The following TLL1 variants were observed in gnomAD, a reference collection of about 807,000 sequenced individuals.
The protein encoded by TLL1 is tolloid-like protein 1.
A neutral mutation model predicts 128.2 loss-of-function variants in TLL1; 49 were observed. The observed-to-expected ratio is 0.38, with a 90% CI of 0.30 to 0.48. The LOEUF (loss-of-function observed/expected upper bound fraction) is 0.48. Ranked by LOEUF, TLL1 falls within the 20% of genes least tolerant of loss-of-function variation. The pLI is 0.96. For missense variants in TLL1, 1,123 were observed against 1,242.0 expected, an observed-to-expected ratio of 0.90 and a Z score of 1.44; for synonymous variants, 454 against 418.8, an observed-to-expected ratio of 1.08 and a Z score of -1.03.
At chr4:166,054,930 C>A in intron 12 of TLL1, 146 bp from the exon 13 acceptor site, 2 of 639,120 alleles carry the variant, frequency 3.1e-6, no homozygotes, top group South Asian at 2.1e-5. Flanking sequence ...AGTGTACGTT[C>A]ATGAGAAACA....
rs925694705 is a variant in TLL1, at chr4:166,103,444, T to G, written c.*2568T>G. The G allele has an allele frequency of 6.6e-6, 1 of 151,846 alleles. No individual in the cohort carries two copies. Among genetic ancestry groups the G allele is most frequent in the African/African-American group, 2.4e-5 (1 of 41,420 alleles). The allele number at this position is 151,846 out of a possible 1,614,324, so 9.4% of individuals were successfully genotyped here. A position where few individuals can be genotyped will look rare whatever the true frequency, so the allele number is the denominator to read the frequency against. Reference sequence around the variant, plus strand: ...ATATATTAAATTATTTTGCCTGATGTGGTAGGGGAAATGTATTGCTCTATA... The same window carrying G: ...ATATATTAAATTATTTTGCCTGATGGGGTAGGGGAAATGTATTGCTCTATA... On this transcript the variant is annotated 3_prime_UTR_variant, in exon 21 of 21. Transcript: ENST00000061240.
intron 1 of TLL1, among the ~76,000 whole-genome samples, chr4:165,895,212 A>G (rs1304678407): frequency 1.3e-5 from 2 of 151,976 alleles, no homozygotes; most frequent in African/African-American, 4.8e-5. Flanking sequence ...ATAGAGCAAA[A>G]CTCTGTTTGC....
intron 1 of TLL1, among the ~76,000 whole-genome samples, chr4:165,982,195 G>A (rs1042591457): frequency 2.6e-5 from 4 of 151,888 alleles, no homozygotes; most frequent in Non-Finnish European, 4.4e-5. Flanking sequence ...GGCTCAAATA[G>A]AATAATGTCA....
At position 165,917,897 on chromosome 4, in the gene TLL1, C is replaced by T. The variant is rs531742859; in HGVS notation, c.169+43824C>T. On this transcript the variant is annotated intron_variant, in intron 1 of 20. Transcript: ENST00000061240. Reference sequence around the variant, plus strand: ...TCAAAATGTGAGAAATGTATAAGGCCGAATTAGTAACTAATTAAATTTTTT... The same window carrying T: ...TCAAAATGTGAGAAATGTATAAGGCTGAATTAGTAACTAATTAAATTTTTT... 1.1e-3 allele frequency among the ~76,000 whole-genome samples: 172 copies of T among 152,054 alleles called. 1 individual carries two copies. The highest frequency in any genetic ancestry group is 3.9e-3 in the African/African-American group (161 of 41,474).
At chr4:166,064,889 C>A (rs781349091) in intron 15 of TLL1, among the ~76,000 whole-genome samples, 1 of 152,004 alleles carries the variant, frequency 6.6e-6, no homozygotes, top group South Asian at 2.1e-4. Context: ...GATCTTGCCC[C>A]AGGGTTCAAT....
chr4:166,081,357 G>A (rs991145193), intron 18 of TLL1, among the ~76,000 whole-genome samples: 4 of 152,108 alleles, frequency 2.6e-5, no homozygotes, highest in Admixed American at 2.6e-4. Flanking sequence ...ATTACAATGA[G>A]GCTTCAGACT....
chr4:166,044,447 C>A (rs1334341433), intron 12 of TLL1: 1 of 1,533,722 alleles, frequency 6.5e-7, no homozygotes, highest in Non-Finnish European at 8.7e-7. Flanking sequence ...AATTCTATTT[C>A]TTCAGTACTT....
chr4:166,074,733 C>A, intron 16 of TLL1, 145 bp from the exon 17 acceptor site: 1 of 950,842 alleles, frequency 1.1e-6, no homozygotes, highest in South Asian at 1.4e-5. Context: ...AGAGATCATA[C>A]ATTTTTGTTT....
chr4:165,900,830 T>C lies in TLL1; in HGVS notation c.169+26757T>C, dbSNP rs184969062. Among the ~76,000 whole-genome samples the C allele has an allele frequency of 1.6e-3, 246 of 152,300 alleles. 2 individuals are homozygous for C. The highest frequency in any genetic ancestry group is 5.7e-3 in the African/African-American group (236 of 41,562). ...CTCCTGGATCATATCTTGAAGAGTG[T>C]TTTCCAACTTGGTTCCATTCTCCCC... On this transcript the variant is annotated intron_variant, in intron 1 of 20. Coordinates refer to ENST00000061240, the MANE Select transcript of TLL1 (RefSeq NM_012464.5).
chr4:166,022,218 G>A (rs979305795), intron 8 of TLL1, among the ~76,000 whole-genome samples: 1 of 150,638 alleles, frequency 6.6e-6, no homozygotes, highest in Non-Finnish European at 1.5e-5. Flanking sequence ...AGGCTGGAGT[G>A]CAGTGATGCA....
chr4:166,020,191 G>A (rs1454347550), intron 8 of TLL1, among the ~76,000 whole-genome samples: 2 of 152,084 alleles, frequency 1.3e-5, no homozygotes, highest in East Asian at 1.9e-4. Context: ...CATTGGGGTT[G>A]AATAGGTTTC....
At chr4:165,889,512 C>G (rs999154505) in intron 1 of TLL1, among the ~76,000 whole-genome samples, 7 of 152,188 alleles carry the variant, frequency 4.6e-5, no homozygotes, top group African/African-American at 1.7e-4. Context: ...CCAAATGTAA[C>G]TCAAACTACC....
chr4:166,046,062 T>C (rs1739451938), intron 12 of TLL1, among the ~76,000 whole-genome samples: 2 of 152,208 alleles, frequency 1.3e-5, no homozygotes. Context: ...ATTGGGATCT[T>C]ACCTGTGTCT....
chr4:165,932,433 T>C (rs891700768), intron 1 of TLL1, among the ~76,000 whole-genome samples: 2 of 152,216 alleles, frequency 1.3e-5, no homozygotes, highest in Admixed American at 6.5e-5. Flanking sequence ...TGCAAAGTTC[T>C]ACCACTGTAA....
At position 166,039,390 on chromosome 4, in the gene TLL1, T is replaced by A. The variant is rs1382624477; in HGVS notation, c.1210T>A (p.Tyr404Asn). The A allele has an allele frequency of 6.2e-7, 1 of 1,613,432 alleles. No homozygotes were observed. Among genetic ancestry groups the A allele is most frequent in the Non-Finnish European group, 8.5e-7 (1 of 1,179,674 alleles). ...MDLYKSSLCW[Y>N]DYIEVRDGYW... is the part of the protein sequence containing the mutation. ...TCTATACAAGAGTAGTTTGTGCTGG[T>A]ATGACTATATTGAAGTAAGAGACGG... The change falls in exon 10 of 21, where the codon TAT (tyrosine) becomes AAT (asparagine). Residue 404 changes from tyrosine to asparagine, a missense_variant. Around this residue, in one of 3 missense-constraint regions of TLL1, gnomAD observed 480 missense variants for 542.4 expected, o/e 0.89. Transcript: ENST00000061240.
intron 1 of TLL1, among the ~76,000 whole-genome samples, chr4:165,965,799 G>A (rs74976275): frequency 0.063 from 9,537 of 152,204 alleles, 820 homozygotes; most frequent in African/African-American, 0.19. Flanking sequence ...CTAAGAATTT[G>A]ATGTGGAATG....
chr4:166,047,225 C>T (rs1029990347), intron 12 of TLL1, among the ~76,000 whole-genome samples: 8 of 151,266 alleles, frequency 5.3e-5, no homozygotes, highest in East Asian at 1.9e-4. Flanking sequence ...AAGGCAGTGG[C>T]GCGATCTCGG....
At chr4:165,927,610 T>C (rs1325801638) in intron 1 of TLL1, among the ~76,000 whole-genome samples, 1 of 152,202 alleles carries the variant, frequency 6.6e-6, no homozygotes, top group Non-Finnish European at 1.5e-5. Context: ...TGAAGTAATG[T>C]AGAAGATTAT....
At chr4:165,934,268 G>A (rs544376900) in intron 1 of TLL1, among the ~76,000 whole-genome samples, 1 of 149,256 alleles carries the variant, frequency 6.7e-6, no homozygotes, top group East Asian at 2.0e-4. Flanking sequence ...ACCCGCCTCA[G>A]CCTCCCAAAG....
Sources: gnomAD v4.1 joint callset for allele counts (sites outside exome capture counted in the v4.1 genomes callset) on GRCh38, gnomAD v4.1.1 for gene constraint, gnomAD v4.1.1 regional missense constraint, MANE v1.5 for transcripts, NCBI Gene and HGNC (gene_info 2026-07-23, HGNC 2026-07-21) for gene names.